The following IP6K2 variants were observed in gnomAD, a reference collection of about 807,000 sequenced individuals.
IP6K2 encodes the protein inositol hexakisphosphate kinase 2.
IP6K2 carries 9 observed loss-of-function variants against 43.3 expected under a neutral mutation model. The observed-to-expected ratio is 0.21, with a 90% CI of 0.13 to 0.36. The LOEUF (loss-of-function observed/expected upper bound fraction) is 0.36, where lower values mean the gene tolerates loss of function less well. IP6K2 is among the 10% of genes least tolerant of loss of function. The pLI is 1.00. For synonymous variants in IP6K2, 209 were observed against 202.4 expected, an observed-to-expected ratio of 1.03 and a Z score of -0.28; for missense variants, 332 against 538.4, an observed-to-expected ratio of 0.62 and a Z score of 3.79.
At chr3:48,710,118 G>A (rs1328559448) in intron 1 of IP6K2, among the ~76,000 whole-genome samples, 2 of 152,170 alleles carry the variant, frequency 1.3e-5, no homozygotes, top group African/African-American at 4.8e-5. Flanking sequence ...CAGGCACGGA[G>A]GCTCACACCT....
intron 1 of IP6K2, among the ~76,000 whole-genome samples, chr3:48,697,187 A>AT (rs1400862400): frequency 6.7e-6 from 1 of 149,804 alleles, no homozygotes; most frequent in Non-Finnish European, 1.5e-5. Flanking sequence ...CACCCGGCTA[A>AT]TTTTTTGTAT....
At chr3:48,715,356 T>C in intron 1 of IP6K2, 1 of 1,536,214 alleles carries the variant, frequency 6.5e-7, no homozygotes, top group African/African-American at 1.4e-5. Context: ...TCATCCCTGT[T>C]GCCTAGATAC....
intron 1 of IP6K2, among the ~76,000 whole-genome samples, chr3:48,700,386 C>T (rs2106896255): frequency 6.6e-6 from 1 of 152,234 alleles, no homozygotes; most frequent in Non-Finnish European, 1.5e-5. Context: ...AAAGCTGTTT[C>T]CCTGGAAGGC....
chr3:48,688,903 T>G lies in IP6K2; in HGVS notation c.781-130A>C. On this transcript the variant is annotated intron_variant, in intron 5 of 5. Coordinates refer to ENST00000328631, the MANE Select transcript of IP6K2 (RefSeq NM_016291.4). The surrounding 1 kb of genome is among the most constrained non-coding windows in gnomAD (Gnocchi z 5.1). ...TCAGATAAAGTACACCAGTTGCACA[T>G]GAGCCACTGTCCACTATGCTCTCTG... is the stretch of plus-strand genomic sequence containing the variant. 1.0e-6 allele frequency: 1 copy of G among 963,828 alleles called. No homozygotes were observed. Among genetic ancestry groups the G allele is most frequent in the Non-Finnish European group, 1.5e-6 (1 of 659,300 alleles). 59.7% of individuals were successfully genotyped at this position (963,828 alleles called of 1,614,324 possible).
rs2077515301 is a variant in IP6K2 at position 48,688,520 on chromosome 3, AG to A, written c.1033del (p.Leu345TrpfsTer33). On this transcript the variant is annotated frameshift_variant, in exon 6 of 6. Coordinates refer to ENST00000328631, the MANE Select transcript of IP6K2 (RefSeq NM_016291.4). LOFTEE classifies it high-confidence loss of function. This position sits in a 1 kb window ranked among gnomAD's most constrained non-coding sequence, Gnocchi z 5.1. ...CTCCAAATCCTCAGCATCTGAGTCC[AG>A]GACCACTTCGGGCCGCTCCTTGCCA... The part of the protein sequence containing the change: ...YDGKERPEVV[L>X]DSDAEDLEDL... The A allele has an allele frequency of 6.2e-7, 1 of 1,614,120 alleles. No individual in the cohort carries two copies. The highest frequency in any genetic ancestry group is 1.3e-5 in the African/African-American group (1 of 74,944).
At chr3:48,694,851 T>C (rs2078143631) in intron 2 of IP6K2, 7 of 1,537,168 alleles carry the variant, frequency 4.6e-6, no homozygotes, top group Non-Finnish European at 6.1e-6. Context: ...ACTACACTTC[T>C]ACCAAAATCA....
intron 1 of IP6K2, among the ~76,000 whole-genome samples, chr3:48,698,597 G>A (rs1371249551): frequency 2.0e-5 from 3 of 152,170 alleles, no homozygotes; most frequent in African/African-American, 7.2e-5. Flanking sequence ...AGCCTCCCGA[G>A]AAGCTGAGGA....
At position 48,701,587 on chromosome 3, in the gene IP6K2, A is replaced by AAG. The variant is rs1245861953; in HGVS notation, c.-130-6167_-130-6166insCT. Among the ~76,000 whole-genome samples, 6 of 150,596 alleles carry AAG rather than the reference A, an allele frequency of 4.0e-5. No homozygotes were observed. In the East Asian group the frequency reaches 9.8e-4, roughly 25 times the overall value. ...CGTCTCAAAAAAAAAAAAAAAAAAA[A>AAG]AAAAAAAAGATTATACTTAAAAAGA... On this transcript the variant is annotated intron_variant, in intron 1 of 5. Coordinates refer to ENST00000328631, the MANE Select transcript of IP6K2 (RefSeq NM_016291.4).
intron 2 of IP6K2, 176 bp from the exon 3 acceptor site, chr3:48,693,355 C>T (rs760443497): frequency 8.9e-7 from 1 of 1,118,952 alleles, no homozygotes. Flanking sequence ...AAGATGACAC[C>T]ATACAAGACA....
At chr3:48,699,101 T>C (rs931863597) in intron 1 of IP6K2, among the ~76,000 whole-genome samples, 1 of 152,128 alleles carries the variant, frequency 6.6e-6, no homozygotes, top group African/African-American at 2.4e-5. Context: ...ATGGCGTCTC[T>C]AGAGTGTGGC....
chr3:48,689,829 T>A (rs543186798), intron 4 of IP6K2, 116 bp from the exon 5 acceptor site: 23 of 776,736 alleles, frequency 3.0e-5, no homozygotes, highest in Admixed American at 1.1e-4. Flanking sequence ...CACAGGAGAC[T>A]CCATTAGTCC....
intron 4 of IP6K2, 63 bp downstream of exon 4, chr3:48,691,244 G>T: frequency 1.5e-6 from 2 of 1,373,988 alleles, no homozygotes; most frequent in Non-Finnish European, 1.0e-6. Context: ...CAAGCTCCAA[G>T]GGACTTCCTC....
chr3:48,693,940 G>A (rs1394260390), intron 2 of IP6K2: 1 of 1,356,894 alleles, frequency 7.4e-7, no homozygotes, highest in East Asian at 3.0e-5. Context: ...AGTCTTTGAG[G>A]ATGGGGCTGT....
At chr3:48,708,313 GA>G (rs2080062732) in intron 1 of IP6K2, 1 of 151,986 alleles carries the variant, frequency 6.6e-6, no homozygotes, top group Non-Finnish European at 1.5e-5. Flanking sequence ...TAACCTGCTA[GA>G]ATTATAAAGA....
chr3:48,702,455 T>A (rs2079166116), intron 1 of IP6K2, among the ~76,000 whole-genome samples: 1 of 151,204 alleles, frequency 6.6e-6, no homozygotes. Flanking sequence ...CCCCCTTTTT[T>A]TTTTTGAGAT....
intron 1 of IP6K2, among the ~76,000 whole-genome samples, chr3:48,704,401 G>A (rs903214184): frequency 2.0e-5 from 3 of 151,860 alleles, no homozygotes; most frequent in Admixed American, 1.3e-4. Flanking sequence ...ATTGTATGAC[G>A]GACTATTAGG....
chr3:48,693,981 A>ATCGGATATGTGTAGATCTC, intron 2 of IP6K2: 1 of 1,387,482 alleles, frequency 7.2e-7, no homozygotes, highest in Admixed American at 3.5e-5. Flanking sequence ...GGTGCCGACG[A>ATCGGATATGTGTAGATCTC]GCGCCTTACA....
chr3:48,693,775 T>C (rs908311238), intron 2 of IP6K2: 2 of 1,041,982 alleles, frequency 1.9e-6, no homozygotes, highest in Non-Finnish European at 2.3e-6. Flanking sequence ...TTTGTTCTTA[T>C]AAAATATGTT....
rs549838637 is a variant in IP6K2 at position 48,698,635 on chromosome 3, T to C, written c.-130-3214A>G. Among the ~76,000 whole-genome samples the C allele has an allele frequency of 3.7e-4, 57 of 152,272 alleles. 1 individual carries two copies. The highest frequency in any genetic ancestry group is 8.4e-4 in the African/African-American group (35 of 41,560). On this transcript the variant is annotated intron_variant, in intron 1 of 5. Transcript: ENST00000328631. The stretch of plus-strand genomic sequence containing the variant: ...ATAGGCGCACGCCACCACGCCTGGC[T>C]AATTTTTTTGTATTTTTAGTAGAGA...
Sources: allele counts gnomAD v4.1 joint callset (sites outside exome capture counted in the v4.1 genomes callset), GRCh38; gene constraint gnomAD v4.1.1; non-coding constraint Gnocchi (gnomAD v3.1); transcripts MANE v1.5; gene names NCBI Gene and HGNC (gene_info 2026-07-23, HGNC 2026-07-21).